The following GALNTL6 variants were observed in gnomAD, a reference collection of about 807,000 sequenced individuals.
GALNTL6 encodes the protein polypeptide N-acetylgalactosaminyltransferase like 6.
Under a neutral mutation model 73.7 loss-of-function variants are expected in GALNTL6, and 46 were observed. The observed-to-expected ratio is 0.62, with a 90% confidence interval of 0.49 to 0.80. The LOEUF (loss-of-function observed/expected upper bound fraction) is 0.80. GALNTL6 is among the 30% of genes least tolerant of loss of function. The pLI, the probability that GALNTL6 is intolerant of heterozygous loss-of-function variation, is 0.00. For synonymous variants in GALNTL6, 259 were observed against 263.7 expected, an observed-to-expected ratio of 0.98 and a Z score of 0.17; for missense variants, 604 against 755.0, an observed-to-expected ratio of 0.80 and a Z score of 2.34.
chr4:172,024,365 A>C (rs576350865), intron 2 of GALNTL6, among the ~76,000 whole-genome samples: 1 of 151,948 alleles, frequency 6.6e-6, no homozygotes, highest in East Asian at 1.9e-4. Flanking sequence ...AAATATTATT[A>C]CTGTTTAAAA....
chr4:172,685,881 G>A (rs898987993), intron 5 of GALNTL6, among the ~76,000 whole-genome samples: 1 of 152,082 alleles, frequency 6.6e-6, no homozygotes, highest in East Asian at 1.9e-4. Flanking sequence ...AGAGGTGCAG[G>A]CAGTCAATAA....
intron 2 of GALNTL6, among the ~76,000 whole-genome samples, chr4:171,976,203 G>A (rs916267523): frequency 1.6e-4 from 25 of 152,122 alleles, no homozygotes; most frequent in South Asian, 4.1e-4. Flanking sequence ...GAATACAGGC[G>A]TAAGCCACTG....
chr4:172,170,317 C>T (rs1273819726), intron 2 of GALNTL6, among the ~76,000 whole-genome samples: 2 of 152,034 alleles, frequency 1.3e-5, no homozygotes, highest in Non-Finnish European at 2.9e-5. Flanking sequence ...GATCTGATGG[C>T]TTTATAAGTT....
At chr4:172,191,579 C>T (rs1473254217) in intron 2 of GALNTL6, among the ~76,000 whole-genome samples, 23 of 152,196 alleles carry the variant, frequency 1.5e-4, no homozygotes, top group Non-Finnish European at 7.4e-5. Flanking sequence ...TCACTTCAGT[C>T]GGACTGAAAT....
intron 7 of GALNTL6, among the ~76,000 whole-genome samples, chr4:172,847,656 G>C (rs771589559): frequency 6.6e-6 from 1 of 152,186 alleles, no homozygotes; most frequent in Non-Finnish European, 1.5e-5. Flanking sequence ...ACTATCCTAA[G>C]TATTAGGAAT....
chr4:171,837,641 A>C (rs368590886), intron 2 of GALNTL6, among the ~76,000 whole-genome samples: 15 of 147,206 alleles, frequency 1.0e-4, no homozygotes, highest in African/African-American at 3.0e-4. Context: ...TTTATATAAT[A>C]TATTAATAAT....
chr4:172,018,097 G>A (rs1472545625), intron 2 of GALNTL6, among the ~76,000 whole-genome samples: 1 of 152,112 alleles, frequency 6.6e-6, no homozygotes, highest in African/African-American at 2.4e-5. Flanking sequence ...CTTCCTGGGA[G>A]CAGAGTTATT....
chr4:172,753,841 C>T (rs1737578113), intron 5 of GALNTL6, among the ~76,000 whole-genome samples: 1 of 151,838 alleles, frequency 6.6e-6, no homozygotes, highest in African/African-American at 2.4e-5. Flanking sequence ...AGGATGTTTG[C>T]TTGGTTCAAA....
At chr4:171,890,219 T>A (rs1473926310) in intron 2 of GALNTL6, among the ~76,000 whole-genome samples, 1 of 152,114 alleles carries the variant, frequency 6.6e-6, no homozygotes, top group Non-Finnish European at 1.5e-5. Flanking sequence ...ATATCATCAT[T>A]TCCAAGACCT....
At chr4:172,686,917 C>T (rs190659610) in intron 5 of GALNTL6, among the ~76,000 whole-genome samples, 1 of 152,178 alleles carries the variant, frequency 6.6e-6, no homozygotes, top group Non-Finnish European at 1.5e-5. Context: ...ATAAAAATTC[C>T]TTATAGGAGC....
rs1740697702 is a variant in GALNTL6, at chr4:172,002,240, T to G, written c.138+187522T>G. ...ATATGTTGAAACTGAATCCTCAATG[T>G]GAGTGTTTATTTTTATGTGAAGTTT... On this transcript the variant is annotated intron_variant, in intron 2 of 12. Coordinates refer to ENST00000506823, the MANE Select transcript of GALNTL6 (RefSeq NM_001034845.3). Among the ~76,000 whole-genome samples the G allele has an allele frequency of 2.0e-5, 3 of 152,268 alleles. No individual in the cohort carries two copies. The South Asian group carries it at 6.2e-4, about 32-fold the overall frequency.
chr4:172,741,748 A>G (rs1321921038), intron 5 of GALNTL6, among the ~76,000 whole-genome samples: 1 of 151,980 alleles, frequency 6.6e-6, no homozygotes, highest in African/African-American at 2.4e-5. Flanking sequence ...ACCCTGCTAC[A>G]TATATTTAAA....
At chr4:172,849,481 A>G (rs1289279113) in intron 7 of GALNTL6, among the ~76,000 whole-genome samples, 1 of 152,164 alleles carries the variant, frequency 6.6e-6, no homozygotes, top group Non-Finnish European at 1.5e-5. Context: ...CTCTCAAAAA[A>G]TGTTGAATGA....
At chr4:172,786,239 G>A (rs1317910237) in intron 5 of GALNTL6, among the ~76,000 whole-genome samples, 1 of 152,172 alleles carries the variant, frequency 6.6e-6, no homozygotes, top group African/African-American at 2.4e-5. Context: ...TTACAAATAG[G>A]AAACTCAAAG....
At chr4:172,160,793 A>G (rs1179355710) in intron 2 of GALNTL6, among the ~76,000 whole-genome samples, 1 of 151,790 alleles carries the variant, frequency 6.6e-6, no homozygotes, top group Non-Finnish European at 1.5e-5. Context: ...GCATATATAT[A>G]CATATATATA....
chr4:172,524,771 T>G (rs1472824847), intron 5 of GALNTL6, among the ~76,000 whole-genome samples: 9 of 152,222 alleles, frequency 5.9e-5, no homozygotes, highest in Non-Finnish European at 5.9e-5. Context: ...AACCAAAAAA[T>G]AAAGTTCTAA....
chr4:172,059,416 T>A (rs1731125052), intron 2 of GALNTL6, among the ~76,000 whole-genome samples: 2 of 152,150 alleles, frequency 1.3e-5, no homozygotes, highest in South Asian at 4.1e-4. Flanking sequence ...TACAATATAA[T>A]TCAAATGGTC....
intron 5 of GALNTL6, among the ~76,000 whole-genome samples, chr4:172,384,004 G>A (rs1386400290): frequency 6.6e-6 from 1 of 152,028 alleles, no homozygotes; most frequent in African/African-American, 2.4e-5. Context: ...TCTGCATTTG[G>A]TTTGTTAGTA....
At chr4:172,221,556 T>TG (rs1736676530) in intron 2 of GALNTL6, among the ~76,000 whole-genome samples, 2 of 127,240 alleles carry the variant, frequency 1.6e-5, no homozygotes, top group Non-Finnish European at 3.5e-5. Context: ...ATTTGTGGAG[T>TG]TTGTGTGTGT....
Sources: gnomAD v4.1 joint callset for allele counts (sites outside exome capture counted in the v4.1 genomes callset) on GRCh38, gnomAD v4.1.1 for gene constraint, MANE v1.5 for transcripts, NCBI Gene and HGNC (gene_info 2026-07-23, HGNC 2026-07-21) for gene names.